The following TEX11 variants were observed in gnomAD, a reference collection of about 807,000 sequenced individuals.
TEX11 encodes testis-expressed protein 11.
Under a neutral mutation model 84.4 loss-of-function variants are expected in TEX11, and 7 were observed. That is an observed-to-expected ratio of 0.08 (90% CI 0.05 to 0.16). The LOEUF (loss-of-function observed/expected upper bound fraction) is 0.16. Among genes scored for constraint, TEX11 ranks in the 10% least tolerant of loss-of-function variants. The probability of loss-of-function intolerance (pLI) is 1.00; values close to 1 mark genes in which losing one functional copy is unlikely to be tolerated. For missense variants in TEX11, 551 were observed against 660.5 expected (o/e 0.83, Z 1.82); for synonymous variants, 264 against 222.8 (o/e 1.18, Z -1.64).
chrX:70,706,840 C>G (rs1457811038), intron 13 of TEX11, among the ~76,000 whole-genome samples: 1 of 110,917 alleles, frequency 9.0e-6, no homozygotes, highest in East Asian at 2.8e-4. Flanking sequence ...CTCAATTAAT[C>G]TCCCTATCTC....
the TEX11 span, among the ~76,000 whole-genome samples, chrX:70,522,982 T>TA: frequency 0.23 from 25,175 of 108,787 alleles, 3,332 homozygotes; most frequent in African/African-American, 0.47. Flanking sequence ...TGCTAGGAGT[T>TA]AAAAAAACAG....
intron 8 of TEX11, among the ~76,000 whole-genome samples, chrX:70,811,951 A>T (rs758668255): frequency 8.9e-6 from 1 of 111,903 alleles, no homozygotes; most frequent in African/African-American, 3.2e-5. Flanking sequence ...AGTAGATTGC[A>T]AAAATTTTCT....
intron 2 of TEX11, among the ~76,000 whole-genome samples, chrX:70,897,201 A>ATATT (rs1569462992): frequency 6.4e-3 from 192 of 29,885 alleles, no homozygotes; most frequent in African/African-American, 0.011. Context: ...TATGTTATAT[A>ATATT]TTATATATAT....
At chrX:70,792,638 C>G (rs1273313315) in intron 9 of TEX11, among the ~76,000 whole-genome samples, 1 of 108,756 alleles carries the variant, frequency 9.2e-6, no homozygotes, top group Non-Finnish European at 1.9e-5. Flanking sequence ...AAACAAGATT[C>G]ACAGACTGGT....
chrX:70,624,813 T>G lies in TEX11; in HGVS notation c.1694+26A>C. ...CAAGATAAGCAGAGGAAATACTTTC[T>G]CTTCCACAGGATGTAGGTTACTTAC... is the stretch of plus-strand genomic sequence containing the variant. On this transcript the variant is annotated intron_variant, in intron 19 of 29. Transcript: ENST00000374333. 2.6e-6 allele frequency: 3 copies of G among 1,137,844 alleles called. No homozygotes were observed. The East Asian group carries it at 9.0e-5, about 34-fold the overall frequency. The allele number at this position is 1,137,844 out of a possible 1,213,427, so 93.8% of individuals were successfully genotyped here.
intron 7 of TEX11, among the ~76,000 whole-genome samples, chrX:70,851,469 G>C (rs1251989489): frequency 9.0e-6 from 1 of 111,615 alleles, no homozygotes; most frequent in Non-Finnish European, 1.9e-5. Flanking sequence ...AGATCTAAGT[G>C]TAAGTGCTAA....
intron 18 of TEX11, among the ~76,000 whole-genome samples, chrX:70,625,642 C>T (rs1401890288): frequency 9.0e-6 from 1 of 111,387 alleles, no homozygotes; most frequent in East Asian, 2.8e-4. Context: ...ATATCACCCA[C>T]TACCCTTCAT....
chrX:70,643,784 A>G (rs1047968776), intron 17 of TEX11, among the ~76,000 whole-genome samples: 6 of 107,596 alleles, frequency 5.6e-5, no homozygotes, highest in Admixed American at 5.1e-4. Flanking sequence ...GATGGATTAA[A>G]GACTTAAACA....
rs145470009 is a variant in TEX11, at chrX:70,822,762, A to T, written c.606+10751T>A. On this transcript the variant is annotated intron_variant, in intron 8 of 29. Transcript: ENST00000374333. Reference sequence around the variant, plus strand: ...GCTTCAGGCTGCTTCCACTCATGGTAGAAGGCAAAGAGAAGCTAGCCTGCG... The same window carrying T: ...GCTTCAGGCTGCTTCCACTCATGGTTGAAGGCAAAGAGAAGCTAGCCTGCG... Among the ~76,000 whole-genome samples, 611 of 111,503 alleles carry T rather than the reference A, an allele frequency of 5.5e-3. 2 individuals carry two copies. The highest frequency in any genetic ancestry group is 0.018 in the African/African-American group (562 of 30,680).
At chrX:70,796,635 G>A (rs1602136861) in intron 9 of TEX11, among the ~76,000 whole-genome samples, 1 of 111,976 alleles carries the variant, frequency 8.9e-6, no homozygotes, top group Non-Finnish European at 1.9e-5. Context: ...CTAAAGAACT[G>A]CTGCACAGCA....
intron 25 of TEX11, among the ~76,000 whole-genome samples, chrX:70,580,128 A>G (rs1479775298): frequency 8.9e-6 from 1 of 112,609 alleles, no homozygotes; most frequent in Non-Finnish European, 1.9e-5. Flanking sequence ...AGCCATTAAA[A>G]AGAATGAGAT....
At chrX:70,695,422 T>A (rs760957625) in intron 13 of TEX11, among the ~76,000 whole-genome samples, 4 of 111,985 alleles carry the variant, frequency 3.6e-5, no homozygotes, top group Non-Finnish European at 7.5e-5. Flanking sequence ...AAAATACAAA[T>A]GAAGCTATAG....
At chrX:70,801,640 T>TCTTC (rs1318663716) in intron 9 of TEX11, among the ~76,000 whole-genome samples, 1 of 22,409 alleles carries the variant, frequency 4.5e-5, no homozygotes, top group Non-Finnish European at 9.5e-5. Context: ...TTTCTTTCTT[T>TCTTC]CTTTCTTTCT....
chrX:70,647,946 A>G (rs1411563311), intron 17 of TEX11, among the ~76,000 whole-genome samples: 1 of 111,867 alleles, frequency 8.9e-6, no homozygotes, highest in Admixed American at 9.5e-5. Context: ...TCATGCTGCT[A>G]TAAAGACACA....
chrX:70,575,787 A>G (rs2088665574), intron 25 of TEX11, among the ~76,000 whole-genome samples: 1 of 111,730 alleles, frequency 9.0e-6, no homozygotes, highest in Non-Finnish European at 1.9e-5. Flanking sequence ...CCAAACTAAC[A>G]ATGTTCTCCT....
At chrX:70,612,571 T>C (rs2089273442) in intron 20 of TEX11, among the ~76,000 whole-genome samples, 1 of 2,247 alleles carries the variant, frequency 4.5e-4, no homozygotes, top group Non-Finnish European at 8.2e-4. Flanking sequence ...TGAACAAAGC[T>C]GAGGAAAAAA....
the TEX11 span, among the ~76,000 whole-genome samples, chrX:70,517,564 G>C: frequency 9.0e-6 from 1 of 111,112 alleles, no homozygotes; most frequent in East Asian, 2.8e-4. Flanking sequence ...GTTCACCAGG[G>C]ATATTGGTCT....
intron 20 of TEX11, among the ~76,000 whole-genome samples, chrX:70,619,834 G>A (rs1462886031): frequency 4.8e-5 from 5 of 103,928 alleles, no homozygotes. Flanking sequence ...TTTTTTTTGA[G>A]ACGGAGTCTC....
intron 25 of TEX11, among the ~76,000 whole-genome samples, chrX:70,585,850 C>T (rs1252876558): frequency 8.9e-6 from 1 of 111,850 alleles, no homozygotes; most frequent in Non-Finnish European, 1.9e-5. Flanking sequence ...GTCAGGAGTT[C>T]GAGACCAGCC....
Sources: gnomAD v4.1 joint callset for allele counts (sites outside exome capture counted in the v4.1 genomes callset) on GRCh38, gnomAD v4.1.1 for gene constraint, MANE v1.5 for transcripts, NCBI Gene and HGNC (gene_info 2026-07-23, HGNC 2026-07-21) for gene names.